Variants in SCAF11 observed in about 807,000 individuals in gnomAD.
SCAF11 encodes protein SCAF11.
A neutral mutation model predicts 140.5 loss-of-function variants in SCAF11; 47 were observed. The ratio of observed to expected loss-of-function variants is 0.33; its 90% CI spans 0.26 to 0.43. The LOEUF is 0.43. Among genes scored for constraint, SCAF11 ranks in the 20% least tolerant of loss-of-function variants. SCAF11 has a pLI of 1.00. For missense variants in SCAF11, 1,645 were observed against 1,705.1 expected (o/e 0.96, Z 0.62); for synonymous variants, 557 against 579.4 (o/e 0.96, Z 0.55).
chr12:45,922,053 CTA>C lies in SCAF11; in HGVS notation c.4385_4386del (p.Ile1462ArgfsTer26). The stretch of plus-strand genomic sequence containing the variant: ...CCTTGACAGCGTTCCCCATTTCAGC[CTA>C]TGTTTTTTTCAGTAGACACAGGTTC... Reference protein sequence around the residue: ...LEEPVSTEKNIG With the variant: ...LEEPVSTEKNXG On this transcript the variant is annotated frameshift_variant, in exon 15 of 15. Transcript: ENST00000369367. LOFTEE classifies it high-confidence loss of function. The C allele has an allele frequency of 1.2e-6, 2 of 1,609,472 alleles. No individual in the cohort carries two copies. Among genetic ancestry groups the C allele is most frequent in the Non-Finnish European group, 1.7e-6 (2 of 1,178,854 alleles).
chr12:45,957,821 TCAAAC>T (rs1425161958), intron 3 of SCAF11, among the ~76,000 whole-genome samples: 2 of 152,180 alleles, frequency 1.3e-5, no homozygotes, highest in African/African-American at 2.4e-5. Context: ...ACATGTGTCT[TCAAAC>T]CATGACCTTA....
At position 45,922,516 on chromosome 12, in the gene SCAF11, T is replaced by C. The variant is rs1944739519; in HGVS notation, c.4192A>G (p.Lys1398Glu). The change falls in exon 14 of 15, where the codon AAA becomes GAA. Residue 1398 changes from lysine (K) to glutamate (E), a missense_variant. Lys to Glu is a moderately conservative substitution (Grantham distance 56, BLOSUM62 1). Coordinates refer to ENST00000369367, the MANE Select transcript of SCAF11 (RefSeq NM_004719.3). ...KLAIKPFYQN[K>E]DITKEEYKEI... ...TTATATTCTTCCTTGGTGATATCTT[T>C]ATTTTGGTAAAATGGCTTGATGGCC... is the stretch of plus-strand genomic sequence containing the variant. 1.9e-6 allele frequency: 3 copies of C among 1,600,112 alleles called. No homozygotes were observed. Among genetic ancestry groups the C allele is most frequent in the Non-Finnish European group, 2.5e-6 (3 of 1,177,366 alleles).
intron 9 of SCAF11, among the ~76,000 whole-genome samples, chr12:45,932,876 G>A (rs939418279): frequency 2.6e-5 from 4 of 151,956 alleles, no homozygotes; most frequent in Non-Finnish European, 4.4e-5. Flanking sequence ...CTTAATATTC[G>A]GGTTCTCTCC....
At chr12:45,984,845 C>T (rs1176274649) in intron 1 of SCAF11, among the ~76,000 whole-genome samples, 1 of 152,158 alleles carries the variant, frequency 6.6e-6, no homozygotes, top group East Asian at 1.9e-4. Flanking sequence ...CAGGCATGGG[C>T]CACTACACCT....
Position 45,927,183 on chromosome 12 carries a change from C to A in SCAF11, c.2518G>T (p.Ala840Ser), listed in dbSNP as rs1295159131. ...GAACGGGATTTTTTCCGGCCTCTGG[C>A]TGACTCATTCTTAGGAGATGGTGAT... The part of the protein sequence containing the change: ...SQSPSPKNES[A>S]RGRKKSRSQS... The change falls in exon 11 of 15, where the codon GCC becomes TCC. Residue 840 changes from alanine to serine, a missense_variant. Coordinates refer to ENST00000369367, the MANE Select transcript of SCAF11 (RefSeq NM_004719.3). 1 of 1,613,966 alleles carries A rather than the reference C, an allele frequency of 6.2e-7. No homozygotes were observed. The highest frequency in any genetic ancestry group is 8.5e-7 in the Non-Finnish European group (1 of 1,180,014).
chr12:45,967,975 C>T (rs549117513), intron 1 of SCAF11, among the ~76,000 whole-genome samples: 1 of 152,286 alleles, frequency 6.6e-6, no homozygotes, highest in African/African-American at 2.4e-5. Context: ...TAATACCACA[C>T]AGAGTCATAG....
At position 45,970,141 on chromosome 12, in the gene SCAF11, G is replaced by A. The variant is rs540149795; in HGVS notation, c.-21-5953C>T. On this transcript the variant is annotated intron_variant, in intron 1 of 14. Coordinates refer to ENST00000369367, the MANE Select transcript of SCAF11 (RefSeq NM_004719.3). ...GAACTCCTGACCTCGTGATCCACCC[G>A]CCTTGGCCTCCCAAAGTGCTGGGAT... 3.8e-3 allele frequency among the ~76,000 whole-genome samples: 574 copies of A among 152,148 alleles called. 5 individuals are homozygous for A. Among genetic ancestry groups the A allele is most frequent in the African/African-American group, 0.013 (540 of 41,526 alleles).
chr12:45,941,093 A>G (rs1489525999), intron 6 of SCAF11, among the ~76,000 whole-genome samples: 1 of 152,228 alleles, frequency 6.6e-6, no homozygotes, highest in Non-Finnish European at 1.5e-5. Context: ...ACTGGAAGAA[A>G]CCATCAATTT....
At chr12:45,947,974 G>A (rs1375032188) in intron 5 of SCAF11, among the ~76,000 whole-genome samples, 1 of 152,198 alleles carries the variant, frequency 6.6e-6, no homozygotes, top group East Asian at 1.9e-4. Flanking sequence ...ACCACACCTG[G>A]CCAGCATTCA....
Position 45,928,276 on chromosome 12 carries a change from A to C in SCAF11, c.1425T>G (p.Ser475=), listed in dbSNP as rs1271906961. Reference sequence around the variant, plus strand: ...CAGGAAGATCTTGAGCACAAGACTCAGAAGATGAAGATCCTACTCTTTCCT... The same window carrying C: ...CAGGAAGATCTTGAGCACAAGACTCCGAAGATGAAGATCCTACTCTTTCCT... ...DTEERVGSSS[S]ESCAQDLPVL... Residue 475 remains serine, a synonymous_variant, in exon 11 of 15, where the codon TCT becomes TCG. Transcript: ENST00000369367. 2 of 1,614,030 alleles carry C rather than the reference A, an allele frequency of 1.2e-6. No homozygotes were observed. Among genetic ancestry groups the C allele is most frequent in the Non-Finnish European group, 1.7e-6 (2 of 1,179,998 alleles).
chr12:45,922,628 C>G (rs773389902), intron 13 of SCAF11, 46 bp from the exon 14 acceptor site: 10 of 1,536,830 alleles, frequency 6.5e-6, no homozygotes, highest in Non-Finnish European at 8.7e-6. Flanking sequence ...AGTCATACTG[C>G]TCTCACAAAA....
intron 9 of SCAF11, among the ~76,000 whole-genome samples, chr12:45,932,897 A>C (rs1392770066): frequency 3.3e-5 from 5 of 152,146 alleles, no homozygotes; most frequent in Non-Finnish European, 7.4e-5. Flanking sequence ...CTTTTAAATA[A>C]ATCTAGCATA....
rs2136684127 is a variant in SCAF11, at chr12:45,990,487, T to C, written c.-156A>G. On this transcript the variant is annotated 5_prime_UTR_variant, in exon 1 of 15. Coordinates refer to ENST00000369367, the MANE Select transcript of SCAF11 (RefSeq NM_004719.3). Reference sequence around the variant, plus strand: ...TGGTGTTACAGGGTCTCTAGGACACTGACTCCGCTGGCTCGGTCCGGAGGC... The same window carrying C: ...TGGTGTTACAGGGTCTCTAGGACACCGACTCCGCTGGCTCGGTCCGGAGGC... 4 of 1,230,762 alleles carry C rather than the reference T, an allele frequency of 3.3e-6. No homozygotes were observed. The Admixed American group carries it at 1.7e-4, about 52-fold the overall frequency. 76.2% of individuals were successfully genotyped at this position (1,230,762 alleles called of 1,614,324 possible).
At chr12:45,950,146 G>A (rs1945516306) in intron 4 of SCAF11, among the ~76,000 whole-genome samples, 1 of 152,190 alleles carries the variant, frequency 6.6e-6, no homozygotes. Context: ...ACCATGGAAT[G>A]TGGAAGTCTG....
chr12:45,940,520 T>C (rs1945271634), intron 6 of SCAF11, among the ~76,000 whole-genome samples: 2 of 152,208 alleles, frequency 1.3e-5, no homozygotes, highest in Non-Finnish European at 1.5e-5. Context: ...CAAATTCTGG[T>C]GGCTCCAATT....
In SCAF11 at chr12:45,990,375, C is replaced by T. The variant is rs11545903; in HGVS notation, c.-44G>A. The T allele has an allele frequency of 8.1e-6, 10 of 1,232,072 alleles. No individual in the cohort carries two copies. Among genetic ancestry groups the T allele is most frequent in the African/African-American group, 3.1e-5 (2 of 64,424 alleles). The allele number at this position is 1,232,072 out of a possible 1,614,324, so 76.3% of individuals were successfully genotyped here. A position where few individuals can be genotyped will look rare whatever the true frequency, so the allele number is the denominator to read the frequency against. On this transcript the variant is annotated 5_prime_UTR_variant, in exon 1 of 15. Transcript: ENST00000369367. ...TACCTCAGACCGAGGTCGAGGCGCT[C>T]GGTCCGGCCGCGGCCCCACAGTAGG...
chr12:45,920,298 T>A lies in SCAF11; in HGVS notation c.*1750A>T, dbSNP rs974263450. 3 of 152,198 alleles carry A rather than the reference T, an allele frequency of 2.0e-5. No homozygotes were observed. The highest frequency in any genetic ancestry group is 4.8e-5 in the African/African-American group (2 of 41,450). 9.4% of individuals were successfully genotyped at this position (152,198 alleles called of 1,614,324 possible). On this transcript the variant is annotated 3_prime_UTR_variant, in exon 15 of 15. Transcript: ENST00000369367. ...TCAAAGCTAGCACCAGGAAAAGTAT[T>A]ATGCACATAAAATTGAGAAACAGAT...
At chr12:45,952,512 CTT>C (rs931038329) in intron 3 of SCAF11, among the ~76,000 whole-genome samples, 42 of 152,218 alleles carry the variant, frequency 2.8e-4, no homozygotes, top group Admixed American at 2.1e-3. Context: ...AGTTGCTACT[CTT>C]TTTCAAATTG....
At chr12:45,939,284 G>A (rs902577075) in intron 6 of SCAF11, among the ~76,000 whole-genome samples, 4 of 151,924 alleles carry the variant, frequency 2.6e-5, no homozygotes, top group African/African-American at 9.7e-5. Flanking sequence ...ATAAGAATTC[G>A]CAACTTCACA....
Sources: gnomAD v4.1 joint callset for allele counts (sites outside exome capture counted in the v4.1 genomes callset) on GRCh38, gnomAD v4.1.1 for gene constraint, MANE v1.5 for transcripts, NCBI Gene and HGNC (gene_info 2026-07-23, HGNC 2026-07-21) for gene names.